The following LMNTD1 variants were observed in gnomAD, a reference collection of about 807,000 sequenced individuals.
The protein encoded by LMNTD1 is lamin tail domain-containing protein 1.
LMNTD1 carries 35 observed loss-of-function variants against 50.9 expected under a neutral mutation model. The observed-to-expected ratio is 0.69, with a 90% CI of 0.53 to 0.91. The LOEUF is 0.91. Among genes scored for constraint, LMNTD1 ranks in the 40% least tolerant of loss-of-function variants. The pLI is 0.00. For missense variants in LMNTD1, 470 were observed against 475.5 expected, an observed-to-expected ratio of 0.99 and a Z score of 0.11; for synonymous variants, 153 against 161.9, an observed-to-expected ratio of 0.94 and a Z score of 0.42.
chr12:25,584,529 T>C (rs1298146448), intron 1 of LMNTD1, among the ~76,000 whole-genome samples: 3 of 152,214 alleles, frequency 2.0e-5, no homozygotes, highest in Non-Finnish European at 2.9e-5. Flanking sequence ...CCTAATCAGG[T>C]ATGCAGAATC....
intron 9 of LMNTD1, among the ~76,000 whole-genome samples, chr12:25,490,662 G>C (rs1214141212): frequency 6.6e-6 from 1 of 152,112 alleles, no homozygotes; most frequent in Non-Finnish European, 1.5e-5. Flanking sequence ...TGCTGCTTCT[G>C]GAAATATAGG....
At chr12:25,605,122 G>C (rs1229020196) in intron 1 of LMNTD1, among the ~76,000 whole-genome samples, 1 of 152,098 alleles carries the variant, frequency 6.6e-6, no homozygotes, top group Non-Finnish European at 1.5e-5. Context: ...TTTTTCATGT[G>C]TTTTTTGGCT....
chr12:25,487,063 C>A (rs1465155148), intron 9 of LMNTD1, among the ~76,000 whole-genome samples: 1 of 149,542 alleles, frequency 6.7e-6, no homozygotes, highest in East Asian at 2.0e-4. Context: ...AGTATGTGGT[C>A]AATTTTGGAA....
At chr12:25,608,907 G>A (rs1946181407) in intron 1 of LMNTD1, among the ~76,000 whole-genome samples, 1 of 152,206 alleles carries the variant, frequency 6.6e-6, no homozygotes, top group South Asian at 2.1e-4. Context: ...ATGATATCCT[G>A]AAGAGTGTTT....
At position 25,597,536 on chromosome 12, in the gene LMNTD1, C is replaced by T. The variant is rs1592088136; in HGVS notation, c.58+50958G>A. ...ATATTATTAAAGAGAGAGATAGACTCCAATACAATAATAGCTGGAGATTTC... is the reference window on the plus strand; with the variant it reads ...ATATTATTAAAGAGAGAGATAGACTTCAATACAATAATAGCTGGAGATTTC... On this transcript the variant is annotated intron_variant, in intron 1 of 7. Transcript: ENST00000445693. Among the ~76,000 whole-genome samples the T allele has an allele frequency of 2.0e-5, 3 of 152,128 alleles. 1 individual carries two copies. In the South Asian group the frequency reaches 6.2e-4, roughly 32 times the overall value.
intron 1 of LMNTD1, among the ~76,000 whole-genome samples, chr12:25,624,115 T>G (rs1407653495): frequency 6.6e-6 from 1 of 152,208 alleles, no homozygotes; most frequent in Non-Finnish European, 1.5e-5. Flanking sequence ...CAATGCTCAT[T>G]GACTGTTCTT....
chr12:25,571,835 A>G (rs886087997), intron 1 of LMNTD1, among the ~76,000 whole-genome samples: 1 of 151,928 alleles, frequency 6.6e-6, no homozygotes, highest in Non-Finnish European at 1.5e-5. Flanking sequence ...ATGCCCAGCT[A>G]ATTTTTTGTA....
At chr12:25,526,275 G>A in intron 5 of LMNTD1, 57 bp from the exon 6 acceptor site, 1 of 1,533,922 alleles carries the variant, frequency 6.5e-7, no homozygotes, top group African/African-American at 1.4e-5. Context: ...TTTTGTAAAT[G>A]TCATAGGGTT....
intron 1 of LMNTD1, among the ~76,000 whole-genome samples, chr12:25,566,375 G>A (rs949350295): frequency 2.0e-5 from 3 of 152,100 alleles, no homozygotes; most frequent in Non-Finnish European, 4.4e-5. Context: ...TGGCCATTTG[G>A]GTTGGCTCCA....
intron 1 of LMNTD1, among the ~76,000 whole-genome samples, chr12:25,578,687 G>T (rs1480016488): frequency 6.6e-6 from 1 of 152,092 alleles, no homozygotes; most frequent in Non-Finnish European, 1.5e-5. Context: ...GAATTTTTAT[G>T]TGCAGCCTGT....
chr12:25,588,851 C>A (rs1945616632), intron 1 of LMNTD1, among the ~76,000 whole-genome samples: 2 of 151,952 alleles, frequency 1.3e-5, no homozygotes, highest in Admixed American at 1.3e-4. Flanking sequence ...GGAAAAAAAT[C>A]AGAACTCAAT....
chr12:25,629,400 C>G (rs1277927075), intron 1 of LMNTD1, among the ~76,000 whole-genome samples: 1 of 152,212 alleles, frequency 6.6e-6, no homozygotes, highest in African/African-American at 2.4e-5. Context: ...AGTTTTACCT[C>G]AGGCTTGATA....
At chr12:25,559,979 C>T (rs1383810357) in intron 1 of LMNTD1, among the ~76,000 whole-genome samples, 1 of 152,032 alleles carries the variant, frequency 6.6e-6, no homozygotes, top group Non-Finnish European at 1.5e-5. Flanking sequence ...AAATTTTCTC[C>T]CATTCTGTAA....
chr12:25,576,624 T>G (rs1460340537), intron 1 of LMNTD1, among the ~76,000 whole-genome samples: 1 of 152,244 alleles, frequency 6.6e-6, no homozygotes, highest in Non-Finnish European at 1.5e-5. Flanking sequence ...TGTAAAAATT[T>G]TCTCCCATTC....
chr12:25,647,419 G>C (rs1469019975), intron 1 of LMNTD1, among the ~76,000 whole-genome samples: 1 of 152,194 alleles, frequency 6.6e-6, no homozygotes, highest in Non-Finnish European at 1.5e-5. Flanking sequence ...AGCCTGGGGG[G>C]GCAGAGGTTG....
At chr12:25,523,338 CT>C (rs1483365012) in intron 6 of LMNTD1, among the ~76,000 whole-genome samples, 17 of 152,110 alleles carry the variant, frequency 1.1e-4, no homozygotes, top group African/African-American at 4.1e-4. Context: ...GCCTAGGCTT[CT>C]TTTTAAAAAT....
intron 1 of LMNTD1, among the ~76,000 whole-genome samples, chr12:25,617,791 T>C (rs778550311): frequency 5.9e-5 from 9 of 152,294 alleles, no homozygotes; most frequent in Non-Finnish European, 1.2e-4. Context: ...TTAATCTTGA[T>C]TGATGGTGTG....
chr12:25,613,963 G>A (rs1592105487), intron 1 of LMNTD1, among the ~76,000 whole-genome samples: 1 of 151,880 alleles, frequency 6.6e-6, no homozygotes, highest in African/African-American at 2.4e-5. Flanking sequence ...CATTGGGAGA[G>A]GAGACAGAAG....
intron 1 of LMNTD1, among the ~76,000 whole-genome samples, chr12:25,644,627 G>T (rs1055021885): frequency 1.3e-5 from 2 of 152,034 alleles, no homozygotes; most frequent in Non-Finnish European, 2.9e-5. Flanking sequence ...GTATTTTGAG[G>T]TTTTTTTTGT....
Sources: gnomAD v4.1 joint callset for allele counts (sites outside exome capture counted in the v4.1 genomes callset) on GRCh38, gnomAD v4.1.1 for gene constraint, MANE v1.5 for transcripts, NCBI Gene and HGNC (gene_info 2026-07-23, HGNC 2026-07-21) for gene names.